The following FHOD3 variants were observed in gnomAD, a reference collection of about 807,000 sequenced individuals.
FHOD3 encodes formin homology 2 domain containing 3, also known as FH1/FH2 domain-containing protein 3.
In FHOD3, 90 loss-of-function variants were observed where a neutral mutation model predicts 173.0. That is an observed-to-expected ratio of 0.52 (90% CI 0.44 to 0.62). The LOEUF is 0.62. Ranked by LOEUF, FHOD3 falls within the 20% of genes least tolerant of loss-of-function variation. FHOD3 has a pLI of 0.00. For missense variants in FHOD3, 1,945 were observed against 2,034.7 expected, an observed-to-expected ratio of 0.96 and a Z score of 0.85; for synonymous variants, 828 against 823.0, an observed-to-expected ratio of 1.01 and a Z score of -0.10.
chr18:36,759,498 C>T lies in FHOD3; in HGVS notation c.4449+357C>T, dbSNP rs114320297. 3.0e-3 allele frequency among the ~76,000 whole-genome samples: 463 copies of T among 152,338 alleles called. 2 individuals carry two copies. The highest frequency in any genetic ancestry group is 0.011 in the African/African-American group (441 of 41,570). On this transcript the variant is annotated intron_variant, in intron 26 of 28. Coordinates refer to ENST00000590592, the MANE Select transcript of FHOD3 (RefSeq NM_001281740.3). Reference sequence around the variant, plus strand: ...TGAGAACTAGATTCTGGAATAACCACATGAAGAGTCCTGAAATCAAAGAGG... The same window carrying T: ...TGAGAACTAGATTCTGGAATAACCATATGAAGAGTCCTGAAATCAAAGAGG...
chr18:36,342,821 A>G (rs929390715), intron 1 of FHOD3, among the ~76,000 whole-genome samples: 1 of 152,248 alleles, frequency 6.6e-6, no homozygotes, highest in Non-Finnish European at 1.5e-5. Context: ...CTTACAACTG[A>G]ACAACAAAGA....
Position 36,780,200 on chromosome 18 carries a change from T to A in FHOD3, c.*670T>A. On this transcript the variant is annotated 3_prime_UTR_variant, in exon 29 of 29. Coordinates refer to ENST00000590592, the MANE Select transcript of FHOD3 (RefSeq NM_001281740.3). ...TCAGATCCTTTGGGCTGTATTTTGT[T>A]AATAGAGTGAGTAACATCAACAGTG... is the stretch of plus-strand genomic sequence containing the variant. 1 of 1,231,702 alleles carries A rather than the reference T, an allele frequency of 8.1e-7. No homozygotes were observed. Among genetic ancestry groups the A allele is most frequent in the Non-Finnish European group, 1.0e-6 (1 of 987,940 alleles). 76.3% of individuals were successfully genotyped at this position (1,231,702 alleles called of 1,614,324 possible). A position where few individuals can be genotyped will look rare whatever the true frequency, so the allele number is the denominator to read the frequency against.
chr18:36,353,611 T>C (rs528841562), intron 1 of FHOD3, among the ~76,000 whole-genome samples: 3 of 152,236 alleles, frequency 2.0e-5, no homozygotes, highest in Non-Finnish European at 4.4e-5. Context: ...AGAAGATGAA[T>C]TGAGTCACTC....
intron 3 of FHOD3, among the ~76,000 whole-genome samples, chr18:36,445,676 T>C (rs2051425821): frequency 6.6e-6 from 1 of 152,178 alleles, no homozygotes; most frequent in Non-Finnish European, 1.5e-5. Flanking sequence ...GAGCTTTGCT[T>C]TACCTCAATA....
Position 36,388,622 on chromosome 18 carries a change from C to T in FHOD3, c.337+15878C>T, listed in dbSNP as rs58968679. ...TGGCATTCCCAATGCAGATCCATCC[C>T]CAGGGTCTCCTGGGCAGGGATGGCC... On this transcript the variant is annotated intron_variant, in intron 3 of 28. Coordinates refer to ENST00000590592, the MANE Select transcript of FHOD3 (RefSeq NM_001281740.3). 3.2e-3 allele frequency among the ~76,000 whole-genome samples: 490 copies of T among 152,224 alleles called. 3 individuals are homozygous for T. The highest frequency in any genetic ancestry group is 0.011 in the African/African-American group (461 of 41,524).
At chr18:36,353,000 C>T (rs938330873) in intron 1 of FHOD3, among the ~76,000 whole-genome samples, 1 of 152,166 alleles carries the variant, frequency 6.6e-6, no homozygotes, top group African/African-American at 2.4e-5. Context: ...ATGGTTGGCT[C>T]AGGAGACACC....
At chr18:36,350,802 A>T (rs931633192) in intron 1 of FHOD3, among the ~76,000 whole-genome samples, 1 of 152,168 alleles carries the variant, frequency 6.6e-6, no homozygotes, top group Non-Finnish European at 1.5e-5. Context: ...CTCACTGTCT[A>T]TTCATATTGT....
At chr18:36,608,098 C>T (rs1270724543) in intron 8 of FHOD3, among the ~76,000 whole-genome samples, 1 of 152,192 alleles carries the variant, frequency 6.6e-6, no homozygotes, top group Non-Finnish European at 1.5e-5. Context: ...AATTCCAAAG[C>T]TGCTTTCACG....
intron 5 of FHOD3, among the ~76,000 whole-genome samples, chr18:36,562,783 A>G (rs560938206): frequency 4.6e-5 from 7 of 152,314 alleles, no homozygotes; most frequent in African/African-American, 1.2e-4. Flanking sequence ...AGTGGCTTAT[A>G]TCCCTGGCCA....
intron 24 of FHOD3, among the ~76,000 whole-genome samples, chr18:36,752,892 T>A (rs1383525994): frequency 1.3e-5 from 2 of 152,236 alleles, no homozygotes; most frequent in Non-Finnish European, 2.9e-5. Context: ...CAAATCTTCC[T>A]GCATACAGAT....
chr18:36,748,751 T>G (rs1044480552), intron 24 of FHOD3, among the ~76,000 whole-genome samples: 16 of 152,064 alleles, frequency 1.1e-4, no homozygotes, highest in Admixed American at 3.9e-4. Context: ...AAGTGGCCAG[T>G]CCAAAGTATC....
intron 1 of FHOD3, among the ~76,000 whole-genome samples, chr18:36,325,815 T>A (rs1172976993): frequency 6.6e-6 from 1 of 152,224 alleles, no homozygotes; most frequent in Non-Finnish European, 1.5e-5. Context: ...AGATGTAAAT[T>A]AGTGTACTGG....
intron 20 of FHOD3, among the ~76,000 whole-genome samples, chr18:36,736,137 G>A (rs8089337): frequency 0.38 from 57,427 of 152,144 alleles, 11,437 homozygotes; most frequent in African/African-American, 0.52. Context: ...GCACACAGGT[G>A]AGTGAGTGCA....
chr18:36,653,355 T>C lies in FHOD3; in HGVS notation c.1660T>C (p.Phe554Leu). The change falls in exon 13 of 29, where the codon TTC becomes CTC. Residue 554 changes from phenylalanine to leucine, a missense_variant. Around this residue, in one of 5 missense-constraint regions of FHOD3, gnomAD observed 1,099 missense variants for 1,051.2 expected, o/e 1.05. Transcript: ENST00000590592. The part of the protein sequence containing the change: ...SQKENSSSDS[F>L]SLSTYSASEP... Reference sequence around the variant, plus strand: ...TTCCTTTGACAGTTCCTCTGATTCTTTCTCTTTGAGCACATATTCTGCCTC... The same window carrying C: ...TTCCTTTGACAGTTCCTCTGATTCTCTCTCTTTGAGCACATATTCTGCCTC... The C allele has an allele frequency of 6.5e-7, 1 of 1,535,022 alleles. No homozygotes were observed. The highest frequency in any genetic ancestry group is 1.2e-5 in the South Asian group (1 of 83,938).
chr18:36,627,409 A>G (rs552143870), intron 10 of FHOD3, among the ~76,000 whole-genome samples: 213 of 152,200 alleles, frequency 1.4e-3, no homozygotes, highest in Middle Eastern at 6.8e-3. Context: ...TTCAGGTGAC[A>G]ATGCTTTGCA....
In FHOD3 at chr18:36,297,897, A is replaced by G. The variant is rs1728687365; in HGVS notation, c.62A>G (p.Asn21Ser). Residue 21 changes from asparagine to serine, a missense_variant, in exon 1 of 29, where the codon AAC becomes AGC. Physicochemically the swap from Asn to Ser is conservative, Grantham distance 46. Transcript: ENST00000590592. ...GACACGGACCCTTTCAACAGCACCA[A>G]CTTCCCCGAGCCCAGCCGGCCGCCG... is the stretch of plus-strand genomic sequence containing the variant. ...LDDTDPFNSTNFPEPSRPPLF... is the reference protein window; with the variant it reads ...LDDTDPFNSTSFPEPSRPPLF... 4 of 1,558,540 alleles carry G rather than the reference A, an allele frequency of 2.6e-6. No homozygotes were observed. The Admixed American group carries it at 5.7e-5, about 22-fold the overall frequency.
intron 5 of FHOD3, among the ~76,000 whole-genome samples, chr18:36,518,001 A>G (rs2056082984): frequency 6.6e-6 from 1 of 152,192 alleles, no homozygotes; most frequent in Non-Finnish European, 1.5e-5. Context: ...GATATCATGG[A>G]AAGAGATTTT....
intron 10 of FHOD3, among the ~76,000 whole-genome samples, chr18:36,645,956 A>G (rs2035651333): frequency 6.6e-6 from 1 of 152,188 alleles, no homozygotes; most frequent in Admixed American, 6.5e-5. Context: ...AATGAAGGCT[A>G]TCTACCAAAA....
chr18:36,378,553 G>A (rs2047559575), intron 3 of FHOD3, among the ~76,000 whole-genome samples: 4 of 135,462 alleles, frequency 3.0e-5, no homozygotes. Context: ...GACTGGAATT[G>A]ACAGGTGTGT....
Sources: gnomAD v4.1 joint callset for allele counts (sites outside exome capture counted in the v4.1 genomes callset) on GRCh38, gnomAD v4.1.1 for gene constraint, gnomAD v4.1.1 regional missense constraint, MANE v1.5 for transcripts, NCBI Gene and HGNC (gene_info 2026-07-23, HGNC 2026-07-21) for gene names.